The following PDE1A variants were observed in gnomAD, a reference collection of about 807,000 sequenced individuals.
The protein encoded by PDE1A is phosphodiesterase 1A, also known as dual specificity calcium/calmodulin-dependent 3',5'-cyclic nucleotide phosphodiesterase 1A.
In PDE1A, 35 loss-of-function variants were observed where a neutral mutation model predicts 61.7. That is an observed-to-expected ratio of 0.57 (90% CI 0.43 to 0.75). PDE1A has a LOEUF of 0.75. Among genes scored for constraint, PDE1A ranks in the 30% least tolerant of loss-of-function variants. The pLI, the probability that PDE1A is intolerant of heterozygous loss-of-function variation, is 0.00. For synonymous variants in PDE1A, 232 were observed against 213.2 expected (o/e 1.09, Z -0.77); for missense variants, 597 against 630.6 (o/e 0.95, Z 0.57).
At chr2:182,531,897 G>A in the PDE1A span, among the ~76,000 whole-genome samples, 1 of 152,056 alleles carries the variant, frequency 6.6e-6, no homozygotes, top group African/African-American at 2.4e-5. Context: ...TCCCCGCCCT[G>A]TGTCCATGTG....
chr2:182,152,275 A>G lies in PDE1A; in HGVS notation c.1517-5123T>C, dbSNP rs558975043. ...AAAGATTAAAGTTACAGTCATTGGA[A>G]AAATGTAATGTAGGATAAATCAGAT... On this transcript the variant is annotated intron_variant, in intron 13 of 13. Coordinates refer to the PDE1A transcript ENST00000409365. Among the ~76,000 whole-genome samples, 97 of 152,294 alleles carry G rather than the reference A, an allele frequency of 6.4e-4. 1 individual carries two copies. Among genetic ancestry groups the G allele is most frequent in the African/African-American group, 2.2e-3 (91 of 41,562 alleles).
At position 182,437,373 on chromosome 2, in the gene PDE1A, T is replaced by C. The variant is rs11899588; in HGVS notation, c.101+84903A>G. Among the ~76,000 whole-genome samples, 909 of 152,094 alleles carry C rather than the reference T, an allele frequency of 6.0e-3. 6 individuals carry two copies. Among genetic ancestry groups the C allele is most frequent in the African/African-American group, 0.021 (865 of 41,552 alleles). ...ACCGTAAAAATAATTAATTGATTAA[T>C]TAAAACTCTCTACCTTTTCTCTAAA... On this transcript the variant is annotated intron_variant, in intron 2 of 14. Transcript: ENST00000410103.
intron 1 of PDE1A, among the ~76,000 whole-genome samples, chr2:182,357,553 A>AT (rs1211147133): frequency 6.6e-6 from 1 of 152,192 alleles, no homozygotes; most frequent in African/African-American, 2.4e-5. Context: ...CTGCCAACAG[A>AT]TTTTGAGCAT....
chr2:182,226,107 T>G (rs1431761947), intron 6 of PDE1A, among the ~76,000 whole-genome samples: 1 of 149,614 alleles, frequency 6.7e-6, no homozygotes, highest in Non-Finnish European at 1.5e-5. Flanking sequence ...AAAAAACCAC[T>G]TATTTAAATT....
chr2:182,444,272 A>G (rs1422675829), intron 2 of PDE1A, among the ~76,000 whole-genome samples: 1 of 152,148 alleles, frequency 6.6e-6, no homozygotes, highest in Non-Finnish European at 1.5e-5. Flanking sequence ...AACCCTCAGT[A>G]TGGGTATGGG....
chr2:182,493,783 G>C (rs886198960), intron 2 of PDE1A, among the ~76,000 whole-genome samples: 1 of 152,172 alleles, frequency 6.6e-6, no homozygotes, highest in Non-Finnish European at 1.5e-5. Flanking sequence ...TAGGAACATG[G>C]ATGGAGCTGG....
At chr2:182,660,780 A>G in the PDE1A span, among the ~76,000 whole-genome samples, 4 of 152,212 alleles carry the variant, frequency 2.6e-5, no homozygotes, top group African/African-American at 9.6e-5. Context: ...ACGAACTTGT[A>G]AAAGGTCCCT....
At chr2:182,344,107 A>G (rs1018460203) in intron 1 of PDE1A, among the ~76,000 whole-genome samples, 2 of 152,094 alleles carry the variant, frequency 1.3e-5, no homozygotes, top group African/African-American at 4.8e-5. Flanking sequence ...CCTGGGTTCA[A>G]GTAATTCTCC....
chr2:182,250,274 C>A (rs1691299119), intron 2 of PDE1A, among the ~76,000 whole-genome samples: 1 of 152,166 alleles, frequency 6.6e-6, no homozygotes, highest in African/African-American at 2.4e-5. Context: ...TTGGAGGAAG[C>A]TTGAATTTAA....
At chr2:182,535,439 G>A in the PDE1A span, among the ~76,000 whole-genome samples, 34 of 151,972 alleles carry the variant, frequency 2.2e-4, 2 homozygotes, top group South Asian at 4.8e-3. Flanking sequence ...ATTTTATATT[G>A]TATGGCTATT....
At position 182,373,586 on chromosome 2, in the gene PDE1A, C is replaced by T. The variant is rs187542402; in HGVS notation, c.53+52992G>A. Among the ~76,000 whole-genome samples the T allele has an allele frequency of 7.6e-3, 1,164 of 152,206 alleles. 24 individuals carry two copies. Among genetic ancestry groups the T allele is most frequent in the Admixed American group, 0.014 (219 of 15,294 alleles). ...AGAATAAGGCTACTTCATAAAATTTCCTTAAAGTAAACATTCAAATTTCTC... is the reference window on the plus strand; with the variant it reads ...AGAATAAGGCTACTTCATAAAATTTTCTTAAAGTAAACATTCAAATTTCTC... On this transcript the variant is annotated intron_variant, in intron 1 of 13. Transcript: ENST00000351439.
At chr2:182,490,815 T>C (rs1220002884) in intron 2 of PDE1A, among the ~76,000 whole-genome samples, 1 of 152,202 alleles carries the variant, frequency 6.6e-6, no homozygotes, top group Admixed American at 6.5e-5. Flanking sequence ...TACTTTAGTA[T>C]ACAAGTAGGG....
chr2:182,518,888 G>C (rs1690380890), intron 2 of PDE1A, among the ~76,000 whole-genome samples: 1 of 151,770 alleles, frequency 6.6e-6, no homozygotes, highest in Non-Finnish European at 1.5e-5. Flanking sequence ...AATTCTTATA[G>C]CAATGTCACT....
At chr2:182,315,235 C>G (rs1418609612) in intron 1 of PDE1A, among the ~76,000 whole-genome samples, 1 of 152,102 alleles carries the variant, frequency 6.6e-6, no homozygotes, top group Admixed American at 6.5e-5. Flanking sequence ...TCTCTCCAAT[C>G]ATTTTCATTA....
At chr2:182,477,825 T>C (rs780343203) in intron 2 of PDE1A, among the ~76,000 whole-genome samples, 10 of 151,946 alleles carry the variant, frequency 6.6e-5, no homozygotes, top group Non-Finnish European at 1.2e-4. Context: ...TTTCATGCTT[T>C]TGACAGAAGC....
rs1449489809 is a variant in PDE1A at position 182,403,920 on chromosome 2, C to T, written c.53+22658G>A. ...ATGGGTGCAGCAAACCACTATGGCACGTGTATACCTACGTAACAAACCTGC... is the reference window on the plus strand; with the variant it reads ...ATGGGTGCAGCAAACCACTATGGCATGTGTATACCTACGTAACAAACCTGC... On this transcript the variant is annotated intron_variant, in intron 1 of 13. Coordinates refer to ENST00000351439, the Ensembl canonical transcript of PDE1A. 2.6e-5 allele frequency among the ~76,000 whole-genome samples: 4 copies of T among 151,926 alleles called. No homozygotes were observed. The East Asian group carries it at 7.7e-4, about 29-fold the overall frequency.
chr2:182,546,957 T>C, the PDE1A span, among the ~76,000 whole-genome samples: 1 of 152,172 alleles, frequency 6.6e-6, no homozygotes, highest in Non-Finnish European at 1.5e-5. Context: ...TGCTATTTCA[T>C]CAAAACAGTT....
Position 182,369,245 on chromosome 2 carries a change from T to G in PDE1A, c.53+57333A>C, listed in dbSNP as rs1215972712. Among the ~76,000 whole-genome samples, 2 of 152,196 alleles carry G rather than the reference T, an allele frequency of 1.3e-5. 1 individual carries two copies. The highest frequency in any genetic ancestry group is 6.3e-3 in the Middle Eastern group (2 of 316). On this transcript the variant is annotated intron_variant, in intron 1 of 13. Transcript: ENST00000351439. ...GCATGCCTAACTCAGTGACTCCCTT[T>G]CCTCTTTTCACAAGCCCATGCAGTG... is the stretch of plus-strand genomic sequence containing the variant.
intron 13 of PDE1A, among the ~76,000 whole-genome samples, chr2:182,182,503 A>G (rs1248490067): frequency 6.6e-6 from 1 of 151,980 alleles, no homozygotes; most frequent in Non-Finnish European, 1.5e-5. Flanking sequence ...CCTTGTTTCT[A>G]TTTTTACTAC....
Sources: allele counts gnomAD v4.1 joint callset (sites outside exome capture counted in the v4.1 genomes callset), GRCh38; gene constraint gnomAD v4.1.1; transcripts MANE v1.5; gene names NCBI Gene and HGNC (gene_info 2026-07-23, HGNC 2026-07-21).